The following PCDH9 variants were observed in gnomAD, a reference collection of about 807,000 sequenced individuals.
The protein encoded by PCDH9 is protocadherin 9, also known as protocadherin-9.
PCDH9 carries 24 observed loss-of-function variants against 70.6 expected under a neutral mutation model. That is an observed-to-expected ratio of 0.34 (90% CI 0.25 to 0.48). The LOEUF is 0.48. Among genes scored for constraint, PCDH9 ranks in the 20% least tolerant of loss-of-function variants. PCDH9 has a pLI of 0.99. For missense variants in PCDH9, 1,281 were observed against 1,503.6 expected (o/e 0.85, Z 2.45); for synonymous variants, 562 against 558.5 (o/e 1.01, Z -0.09).
intron 3 of PCDH9, among the ~76,000 whole-genome samples, chr13:66,744,015 A>G (rs2079316481): frequency 6.6e-6 from 1 of 152,168 alleles, no homozygotes; most frequent in East Asian, 1.9e-4. Flanking sequence ...GAAAGGCCAT[A>G]CGTGCATAAA....
intron 3 of PCDH9, among the ~76,000 whole-genome samples, chr13:66,769,292 T>G (rs184597541): frequency 5.3e-5 from 8 of 152,264 alleles, no homozygotes; most frequent in African/African-American, 1.4e-4. Context: ...TTAATTGGGA[T>G]GCAACTGAGA....
intron 4 of PCDH9, among the ~76,000 whole-genome samples, chr13:66,390,771 A>G (rs1387721872): frequency 6.6e-6 from 1 of 151,882 alleles, no homozygotes; most frequent in Non-Finnish European, 1.5e-5. Context: ...CATCCCACCT[A>G]CAACATTGCC....
chr13:67,116,649 C>T (rs1003086841), intron 2 of PCDH9, among the ~76,000 whole-genome samples: 1 of 152,150 alleles, frequency 6.6e-6, no homozygotes, highest in African/African-American at 2.4e-5. Context: ...CTAAGCTCAA[C>T]TAAGTGAAAT....
At chr13:66,872,609 C>T (rs1310789180) in intron 3 of PCDH9, among the ~76,000 whole-genome samples, 1 of 152,014 alleles carries the variant, frequency 6.6e-6, no homozygotes, top group Non-Finnish European at 1.5e-5. Context: ...TGTATTTATT[C>T]TCTTAAAACA....
chr13:66,985,909 A>C (rs1478182542), intron 2 of PCDH9: 2 of 152,084 alleles, frequency 1.3e-5, no homozygotes, highest in East Asian at 3.8e-4. Context: ...ACAAATCAGT[A>C]GTCATTATAT....
At chr13:67,061,305 T>C (rs2085534384) in intron 2 of PCDH9, among the ~76,000 whole-genome samples, 1 of 152,074 alleles carries the variant, frequency 6.6e-6, no homozygotes, top group Admixed American at 6.6e-5. Context: ...TTTTTCTGTT[T>C]ATTTGACTAC....
At chr13:67,182,445 C>T (rs2088642161) in intron 2 of PCDH9, among the ~76,000 whole-genome samples, 1 of 151,990 alleles carries the variant, frequency 6.6e-6, no homozygotes, top group Non-Finnish European at 1.5e-5. Flanking sequence ...CCTTTTTTCG[C>T]TATATCTTAG....
chr13:66,335,582 G>T (rs1323734729), intron 4 of PCDH9, among the ~76,000 whole-genome samples: 1 of 151,998 alleles, frequency 6.6e-6, no homozygotes, highest in East Asian at 1.9e-4. Flanking sequence ...TTTTGGCAAA[G>T]AATAAATGGA....
intron 4 of PCDH9, among the ~76,000 whole-genome samples, chr13:66,461,054 T>G (rs1273309477): frequency 1.3e-5 from 2 of 151,904 alleles, no homozygotes; most frequent in African/African-American, 4.8e-5. Context: ...CAATTTAGAC[T>G]GTCCATATCC....
chr13:66,646,240 T>C (rs1446306015), intron 3 of PCDH9, among the ~76,000 whole-genome samples: 2 of 152,242 alleles, frequency 1.3e-5, no homozygotes, highest in Admixed American at 1.3e-4. Flanking sequence ...AGGATTGAAT[T>C]ATTAAGTTGC....
At chr13:66,625,368 T>C (rs1336141690) in intron 4 of PCDH9, among the ~76,000 whole-genome samples, 8 of 152,162 alleles carry the variant, frequency 5.3e-5, no homozygotes, top group Non-Finnish European at 1.2e-4. Flanking sequence ...ATATGTATAT[T>C]GCATTTCCTG....
At chr13:66,487,052 T>C (rs1958955642) in intron 4 of PCDH9, among the ~76,000 whole-genome samples, 1 of 152,238 alleles carries the variant, frequency 6.6e-6, no homozygotes, top group Non-Finnish European at 1.5e-5. Context: ...TGTATTATTA[T>C]AGATTTTAAA....
chr13:66,480,086 A>C (rs1189917513), intron 4 of PCDH9, among the ~76,000 whole-genome samples: 1 of 152,136 alleles, frequency 6.6e-6, no homozygotes, highest in South Asian at 2.1e-4. Context: ...CCAAGAACCC[A>C]CCAGAAGGAA....
chr13:66,306,306 T>C (rs1213719316), intron 4 of PCDH9: 1 of 151,604 alleles, frequency 6.6e-6, no homozygotes, highest in Non-Finnish European at 1.5e-5. Flanking sequence ...GCCTTTATAA[T>C]ATTCTAATTA....
chr13:66,990,691 C>G (rs980506059), intron 2 of PCDH9, among the ~76,000 whole-genome samples: 55 of 151,214 alleles, frequency 3.6e-4, no homozygotes, highest in African/African-American at 1.3e-3. Flanking sequence ...ATAGCAATTT[C>G]TCACTTCAAA....
At chr13:66,625,101 C>A (rs896986581) in intron 4 of PCDH9, among the ~76,000 whole-genome samples, 2 of 151,128 alleles carry the variant, frequency 1.3e-5, no homozygotes, top group African/African-American at 4.8e-5. Context: ...CATATTGTTT[C>A]TTTTATAAAC....
intron 4 of PCDH9, among the ~76,000 whole-genome samples, chr13:66,520,775 G>T (rs879423038): frequency 1.3e-4 from 20 of 152,084 alleles, no homozygotes; most frequent in Admixed American, 1.3e-3. Flanking sequence ...TTTGTGTTTA[G>T]GTATCTTATG....
At chr13:67,073,077 A>G (rs936281318) in intron 2 of PCDH9, among the ~76,000 whole-genome samples, 1 of 152,196 alleles carries the variant, frequency 6.6e-6, no homozygotes, top group Admixed American at 6.6e-5. Flanking sequence ...ATTTCTTCTT[A>G]GGCTTTATAC....
chr13:66,980,166 ATTTC>A (rs2083713082), intron 2 of PCDH9, among the ~76,000 whole-genome samples: 2 of 151,220 alleles, frequency 1.3e-5, no homozygotes, highest in East Asian at 2.0e-4. Flanking sequence ...CTTGTTCCTT[ATTTC>A]ACTTCTTGAT....
Sources: gnomAD v4.1 joint callset for allele counts (sites outside exome capture counted in the v4.1 genomes callset) on GRCh38, gnomAD v4.1.1 for gene constraint, MANE v1.5 for transcripts, NCBI Gene and HGNC (gene_info 2026-07-23, HGNC 2026-07-21) for gene names.